The following KIF13A variants were observed in gnomAD, a reference collection of about 807,000 sequenced individuals.
KIF13A encodes kinesin-like protein KIF13A.
Under a neutral mutation model 212.2 loss-of-function variants are expected in KIF13A, and 79 were observed. That is an observed-to-expected ratio of 0.37 (90% CI 0.31 to 0.45). The LOEUF (loss-of-function observed/expected upper bound fraction) is 0.45, where lower values mean the gene tolerates loss of function less well. Ranked by LOEUF, KIF13A falls within the 20% of genes least tolerant of loss-of-function variation. KIF13A has a pLI of 1.00. For missense variants in KIF13A, 1,901 were observed against 2,209.0 expected, an observed-to-expected ratio of 0.86 and a Z score of 2.79; for synonymous variants, 789 against 808.6, an observed-to-expected ratio of 0.98 and a Z score of 0.41.
chr6:17,858,147 G>A (rs1260254091), intron 4 of KIF13A, among the ~76,000 whole-genome samples: 3 of 150,702 alleles, frequency 2.0e-5, no homozygotes, highest in African/African-American at 7.3e-5. Flanking sequence ...GTGTGAGAGA[G>A]AGAGATCTAC....
At position 17,892,933 on chromosome 6, in the gene KIF13A, G is replaced by A. The variant is rs981882931; in HGVS notation, c.159+5235C>T. Reference sequence around the variant, plus strand: ...CATTCTAGCAAATTATGGAACCTGAGGAGGGGGACACGGGAACTCTTGATT... The same window carrying A: ...CATTCTAGCAAATTATGGAACCTGAAGAGGGGGACACGGGAACTCTTGATT... On this transcript the variant is annotated intron_variant, in intron 3 of 38. Transcript: ENST00000259711. This position sits in a 1 kb window ranked among gnomAD's most constrained non-coding sequence, Gnocchi z 4.7. Among the ~76,000 whole-genome samples the A allele has an allele frequency of 6.6e-5, 10 of 152,206 alleles. No individual in the cohort carries two copies. Among genetic ancestry groups the A allele is most frequent in the African/African-American group, 2.2e-4 (9 of 41,460 alleles).
At position 17,804,360 on chromosome 6, in the gene KIF13A, C is replaced by T; in HGVS notation, c.2454+1G>A. On this transcript the variant is annotated splice_donor_variant, in intron 20 of 38. Coordinates refer to ENST00000259711, the MANE Select transcript of KIF13A (RefSeq NM_022113.6). LOFTEE classifies it high-confidence loss of function. ...GTTCTCCAAGGCTGGCCTGTGCTTA[C>T]CTCCCCCTGCTGGCTGATGATAGGG... 6.5e-7 allele frequency: 1 copy of T among 1,535,866 alleles called. No homozygotes were observed. The highest frequency in any genetic ancestry group is 8.8e-7 in the Non-Finnish European group (1 of 1,137,692).
chr6:17,761,240 TAA>T (rs565685451), downstream of KIF13A, among the ~76,000 whole-genome samples: 926 of 152,252 alleles, frequency 6.1e-3, 9 homozygotes, highest in African/African-American at 0.021. Context: ...ATACATTAAA[TAA>T]AAAAACATTT....
At chr6:17,832,474 C>T (rs2147209) in intron 12 of KIF13A, among the ~76,000 whole-genome samples, 65,212 of 150,950 alleles carry the variant, frequency 0.43, 15,000 homozygotes, top group South Asian at 0.54. Flanking sequence ...CTGACTCTAC[C>T]AAAAGATACA....
At chr6:17,931,922 C>G (rs185055286) in intron 2 of KIF13A, among the ~76,000 whole-genome samples, 170 of 152,200 alleles carry the variant, frequency 1.1e-3, no homozygotes, top group African/African-American at 3.4e-3. Flanking sequence ...GTAAATTTTC[C>G]TTCTAGATTT....
intron 34 of KIF13A, among the ~76,000 whole-genome samples, chr6:17,775,812 A>G (rs556715489): frequency 6.6e-6 from 1 of 152,204 alleles, no homozygotes; most frequent in African/African-American, 2.4e-5. Flanking sequence ...TTGGCTTCCA[A>G]AAGACTTTAC....
intron 3 of KIF13A, among the ~76,000 whole-genome samples, chr6:17,880,646 A>C (rs1770981140): frequency 1.3e-5 from 2 of 151,512 alleles, no homozygotes; most frequent in African/African-American, 2.4e-5. Context: ...AAAAAAAAAA[A>C]AAAAGGTCTT....
chr6:17,950,567 C>T (rs563929377), intron 2 of KIF13A: 1 of 985,038 alleles, frequency 1.0e-6, no homozygotes. Context: ...TGGATGAATG[C>T]CCCACAGGAT....
chr6:17,934,350 G>A lies in KIF13A; in HGVS notation c.147-36170C>T, dbSNP rs1288143378. ...CAGTTGCTTAAGTGCAGACGAGAGC[G>A]GCTGAACACCATCCCATTCCTAATT... On this transcript the variant is annotated intron_variant, in intron 2 of 38. Coordinates refer to ENST00000259711, the MANE Select transcript of KIF13A (RefSeq NM_022113.6). The surrounding 1 kb of genome is among the most constrained non-coding windows in gnomAD (Gnocchi z 5.4). Among the ~76,000 whole-genome samples the A allele has an allele frequency of 6.6e-6, 1 of 152,128 alleles. No individual in the cohort carries two copies. Among genetic ancestry groups the A allele is most frequent in the African/African-American group, 2.4e-5 (1 of 41,398 alleles).
In KIF13A at chr6:17,883,291, G is replaced by A. The variant is rs188086888; in HGVS notation, c.160-9854C>T. Among the ~76,000 whole-genome samples the A allele has an allele frequency of 1.3e-5, 2 of 152,234 alleles. No individual in the cohort carries two copies. The highest frequency in any genetic ancestry group is 2.1e-4 in the South Asian group (1 of 4,822). ...GAGCCCAGAAGTTTAAGCCTGCAGT[G>A]AGCTGTGATCATGTCACTGCACTCC... On this transcript the variant is annotated intron_variant, in intron 3 of 38. Coordinates refer to ENST00000259711, the MANE Select transcript of KIF13A (RefSeq NM_022113.6). This position sits in a 1 kb window ranked among gnomAD's most constrained non-coding sequence, Gnocchi z 4.8.
At chr6:17,859,527 G>T in intron 4 of KIF13A, among the ~76,000 whole-genome samples, 1 of 150,078 alleles carries the variant, frequency 6.7e-6, no homozygotes, top group Non-Finnish European at 1.5e-5. Flanking sequence ...AACAGGACAT[G>T]ATTTAACCTA....
chr6:17,969,569 C>T (rs1779624403), intron 2 of KIF13A, among the ~76,000 whole-genome samples: 1 of 152,148 alleles, frequency 6.6e-6, no homozygotes. Flanking sequence ...TATTTTTCTT[C>T]CTGAGGCAAC....
chr6:17,974,512 T>C (rs1002360667), intron 2 of KIF13A, among the ~76,000 whole-genome samples: 15 of 152,174 alleles, frequency 9.9e-5, no homozygotes, highest in Non-Finnish European at 1.9e-4. Flanking sequence ...CCAGACACTG[T>C]GGAGCAAAGA....
At position 17,794,627 on chromosome 6, in the gene KIF13A, A is replaced by C; in HGVS notation, c.3020T>G (p.Val1007Gly). 6.2e-7 allele frequency: 1 copy of C among 1,613,570 alleles called. No individual in the cohort carries two copies. Among genetic ancestry groups the C allele is most frequent in the Non-Finnish European group, 8.5e-7 (1 of 1,179,746 alleles). The change falls in exon 24 of 39, where the codon GTG becomes GGG. Residue 1007 changes from valine to glycine, a missense_variant. Transcript: ENST00000259711. This position sits in a 1 kb window ranked among gnomAD's most constrained non-coding sequence, Gnocchi z 4.1. ...GACATCTTTTGCCTGATGAAGTTCCACTGCAGCATACTCTCCTAACTCATT... is the reference window on the plus strand; with the variant it reads ...GACATCTTTTGCCTGATGAAGTTCCCCTGCAGCATACTCTCCTAACTCATT... ...ELNELGEYAAVELHQAKDVNT... is the reference protein window; with the variant it reads ...ELNELGEYAAGELHQAKDVNT...
chr6:17,869,632 CA>C (rs1769814035), intron 4 of KIF13A, among the ~76,000 whole-genome samples: 1 of 50,308 alleles, frequency 2.0e-5, no homozygotes, highest in African/African-American at 1.4e-4. Flanking sequence ...ACTACAATGC[CA>C]TTATACCCCC....
At chr6:17,894,820 C>T (rs1772416784) in intron 3 of KIF13A, among the ~76,000 whole-genome samples, 1 of 152,130 alleles carries the variant, frequency 6.6e-6, no homozygotes, top group African/African-American at 2.4e-5. Flanking sequence ...CTTATTCATC[C>T]CTATCCCAAC....
At position 17,839,476 on chromosome 6, in the gene KIF13A, G is replaced by A. The variant is rs1428581465; in HGVS notation, c.831-1893C>T. 1.3e-5 allele frequency among the ~76,000 whole-genome samples: 2 copies of A among 152,116 alleles called. No homozygotes were observed. The highest frequency in any genetic ancestry group is 4.8e-5 in the African/African-American group (2 of 41,418). ...ATCATTTGGCCATAAAAGGGAATAA[G>A]TTCAGATACATGTATCACAACAACT... On this transcript the variant is annotated intron_variant, in intron 9 of 38. Transcript: ENST00000259711. This position sits in a 1 kb window ranked among gnomAD's most constrained non-coding sequence, Gnocchi z 4.3.
chr6:17,855,308 C>G lies in KIF13A; in HGVS notation c.494+129G>C. On this transcript the variant is annotated intron_variant, in intron 6 of 38. Transcript: ENST00000259711. The surrounding 1 kb of genome is among the most constrained non-coding windows in gnomAD (Gnocchi z 4.1). ...AGGCTTTGAGAAGCTGATGATTTTT[C>G]TGTAAATGAATGAAAACCAGTGTAG... The G allele has an allele frequency of 1.5e-6, 1 of 682,238 alleles. No homozygotes were observed. The highest frequency in any genetic ancestry group is 2.4e-6 in the Non-Finnish European group (1 of 421,258). 42.3% of individuals were successfully genotyped at this position (682,238 alleles called of 1,614,324 possible).
chr6:17,824,191 G>A (rs1199254379), intron 16 of KIF13A, among the ~76,000 whole-genome samples: 1 of 151,532 alleles, frequency 6.6e-6, no homozygotes, highest in African/African-American at 2.4e-5. Flanking sequence ...TTACAGGCAT[G>A]AGCCACCACA....
Sources: gnomAD v4.1 joint callset for allele counts (sites outside exome capture counted in the v4.1 genomes callset) on GRCh38, gnomAD v4.1.1 for gene constraint, Gnocchi (gnomAD v3.1) non-coding constraint, MANE v1.5 for transcripts, NCBI Gene and HGNC (gene_info 2026-07-23, HGNC 2026-07-21) for gene names.